PTK2: variants seen among roughly 807,000 people sequenced by gnomAD.
PTK2 encodes the protein focal adhesion kinase 1.
Under a neutral mutation model 150.1 loss-of-function variants are expected in PTK2, and 45 were observed. That is an observed-to-expected ratio of 0.30 (90% CI 0.24 to 0.38). The LOEUF is 0.38. PTK2 is among the 10% of genes least tolerant of loss of function. The pLI is 1.00. For synonymous variants in PTK2, 432 were observed against 449.2 expected (o/e 0.96, Z 0.48); for missense variants, 919 against 1,307.3 (o/e 0.70, Z 4.58).
intron 2 of PTK2, among the ~76,000 whole-genome samples, chr8:140,892,399 C>T (rs149007818): frequency 1.3e-5 from 2 of 151,730 alleles, no homozygotes; most frequent in African/African-American, 4.8e-5. Context: ...AGCCAGGAGT[C>T]GTGGCGCATG....
At chr8:140,883,259 G>A (rs1046960189) in intron 3 of PTK2, among the ~76,000 whole-genome samples, 2 of 152,118 alleles carry the variant, frequency 1.3e-5, no homozygotes, top group African/African-American at 4.8e-5. Context: ...ACACAATAAC[G>A]GTTAAGATGC....
At chr8:140,733,095 T>C (rs145056493) in intron 22 of PTK2, among the ~76,000 whole-genome samples, 246 of 152,196 alleles carry the variant, frequency 1.6e-3, no homozygotes, top group African/African-American at 5.1e-3. Context: ...TTCAGGAAGA[T>C]TGACTAAGCT....
intron 1 of PTK2, among the ~76,000 whole-genome samples, chr8:140,967,146 G>A (rs950905401): frequency 2.0e-5 from 3 of 152,086 alleles, no homozygotes; most frequent in African/African-American, 7.2e-5. Context: ...AGTTTTCCAG[G>A]GTCACACAGC....
At chr8:140,884,996 C>G (rs1351710742) in intron 3 of PTK2, among the ~76,000 whole-genome samples, 2 of 152,104 alleles carry the variant, frequency 1.3e-5, no homozygotes, top group Non-Finnish European at 2.9e-5. Flanking sequence ...ATGTACCAGT[C>G]AGAAAAATTT....
At chr8:140,962,567 G>A (rs1001511922) in intron 1 of PTK2, among the ~76,000 whole-genome samples, 1 of 152,078 alleles carries the variant, frequency 6.6e-6, no homozygotes, top group African/African-American at 2.4e-5. Flanking sequence ...GGGAGGCCGA[G>A]GCGTGTAGAT....
intron 14 of PTK2, among the ~76,000 whole-genome samples, chr8:140,779,330 T>C (rs796417332): frequency 2.7e-5 from 4 of 148,954 alleles, no homozygotes; most frequent in African/African-American, 7.4e-5. Context: ...CAAACTACGA[T>C]GGGGGATGCT....
intron 1 of PTK2, among the ~76,000 whole-genome samples, chr8:140,974,884 C>T (rs1321467378): frequency 2.6e-5 from 4 of 152,028 alleles, no homozygotes; most frequent in African/African-American, 9.7e-5. Flanking sequence ...AAATTAAGAG[C>T]AAAAAGATCT....
intron 29 of PTK2, 108 bp downstream of exon 33, chr8:140,669,619 G>A: frequency 1.0e-5 from 13 of 1,298,804 alleles, no homozygotes; most frequent in South Asian, 5.3e-5. Context: ...AAAGCAGGCC[G>A]AAGTGCCCTC....
intron 1 of PTK2, among the ~76,000 whole-genome samples, chr8:140,963,027 A>G (rs1259158420): frequency 6.6e-6 from 1 of 152,068 alleles, no homozygotes; most frequent in Non-Finnish European, 1.5e-5. Flanking sequence ...CAATAAATAC[A>G]TATTTACAAA....
intron 20 of PTK2, among the ~76,000 whole-genome samples, chr8:140,740,594 A>C (rs1201457643): frequency 6.6e-6 from 1 of 152,212 alleles, no homozygotes; most frequent in Non-Finnish European, 1.5e-5. Context: ...CCTTTCTGAG[A>C]AGATATCTGT....
chr8:140,954,449 A>G (rs1010850782), intron 1 of PTK2, among the ~76,000 whole-genome samples: 2 of 152,238 alleles, frequency 1.3e-5, no homozygotes. Context: ...CCTTGCTTAT[A>G]AAGTTATTGT....
chr8:140,877,826 A>T (rs2100146585), intron 4 of PTK2, among the ~76,000 whole-genome samples: 1 of 152,202 alleles, frequency 6.6e-6, no homozygotes, highest in Non-Finnish European at 1.5e-5. Flanking sequence ...CTTGAAACAA[A>T]GTAAATAAAT....
intron 2 of PTK2, among the ~76,000 whole-genome samples, chr8:140,916,926 C>T (rs1409205998): frequency 6.6e-6 from 1 of 152,194 alleles, no homozygotes; most frequent in Non-Finnish European, 1.5e-5. Context: ...TATTTCCTAT[C>T]TCAGAGAGCT....
intron 1 of PTK2, among the ~76,000 whole-genome samples, chr8:140,962,778 CA>C (rs926568849): frequency 3.3e-4 from 47 of 142,204 alleles, no homozygotes; most frequent in East Asian, 6.3e-4. Flanking sequence ...GAGACTCCCT[CA>C]AAAAAAAAAA....
intron 3 of PTK2, among the ~76,000 whole-genome samples, chr8:140,886,150 C>G (rs988692171): frequency 6.6e-6 from 1 of 152,092 alleles, no homozygotes; most frequent in Middle Eastern, 3.4e-3. Context: ...GGCTTGAGAG[C>G]AAAAGAGGAA....
chr8:140,749,448 G>A (rs1468776737), intron 17 of PTK2, among the ~76,000 whole-genome samples: 4 of 152,130 alleles, frequency 2.6e-5, no homozygotes, highest in African/African-American at 9.7e-5. Flanking sequence ...AGAGTCTTGT[G>A]GCCACTAGGA....
At chr8:140,665,274 T>A (rs1487405177) in intron 30 of PTK2, among the ~76,000 whole-genome samples, 1 of 147,482 alleles carries the variant, frequency 6.8e-6, no homozygotes, top group African/African-American at 2.5e-5. Context: ...GAAAGCAGGA[T>A]TTTTTTTTTT....
chr8:140,795,732 C>G (rs959741900), intron 12 of PTK2, among the ~76,000 whole-genome samples: 7 of 152,198 alleles, frequency 4.6e-5, no homozygotes, highest in African/African-American at 1.7e-4. Flanking sequence ...ATGGAAGGAG[C>G]TCAACAACTA....
At position 140,700,938 on chromosome 8, in the gene PTK2, C is replaced by G. The variant is rs138189604; in HGVS notation, c.2452G>C (p.Glu818Gln). Residue 818 changes from glutamate (E) to glutamine (Q), a missense_variant, in exon 26 of 32, where the codon GAA (glutamate) becomes CAA (glutamine). By Grantham distance (29) the Glu-to-Gln change is conservative (BLOSUM62 2). Coordinates refer to ENST00000522684, the Ensembl canonical transcript of PTK2. ...AGCCAGCGCTGATCTTCTTCCATTTCCTGTTGCTGTCGGATTAGACGCTCT... is the reference window on the plus strand; with the variant it reads ...AGCCAGCGCTGATCTTCTTCCATTTGCTGTTGCTGTCGGATTAGACGCTCT... 121 of 1,613,918 alleles carry G rather than the reference C, an allele frequency of 7.5e-5. No individual in the cohort carries two copies. Among genetic ancestry groups the G allele is most frequent in the Admixed American group, 1.2e-4 (7 of 60,000 alleles).
Sources: gnomAD v4.1 joint callset for allele counts (sites outside exome capture counted in the v4.1 genomes callset) on GRCh38, gnomAD v4.1.1 for gene constraint, MANE v1.5 for transcripts, NCBI Gene and HGNC (gene_info 2026-07-23, HGNC 2026-07-21) for gene names.